Variants in DUSP16 observed in about 807,000 individuals in gnomAD.
DUSP16 encodes the protein dual specificity phosphatase 16.
DUSP16 carries 21 observed loss-of-function variants against 58.3 expected under a neutral mutation model. The observed-to-expected ratio is 0.36, with a 90% confidence interval of 0.26 to 0.52. The LOEUF (loss-of-function observed/expected upper bound fraction) is 0.52, where lower values mean the gene tolerates loss of function less well. Ranked by LOEUF, DUSP16 falls within the 20% of genes least tolerant of loss-of-function variation. The pLI, the probability that DUSP16 is intolerant of heterozygous loss-of-function variation, is 0.94. For synonymous variants in DUSP16, 320 were observed against 323.8 expected (o/e 0.99, Z 0.12); for missense variants, 726 against 819.0 (o/e 0.89, Z 1.39).
rs1263321966 is a variant in DUSP16 at position 12,477,996 on chromosome 12, G to C, written c.835C>G (p.Pro279Ala). ...EAYRFVKEKR[P>A]TISPNFNFLG... The stretch of plus-strand genomic sequence containing the variant: ...AAATTGAAGTTTGGAGATATAGTAG[G>C]TCTTTTTTCTTTCACAAATCTGCAG... The change falls in exon 7 of 7, where the codon CCT becomes GCT. Residue 279 changes from proline (P) to alanine (A), a missense_variant. Physicochemically the swap from Pro to Ala is conservative, Grantham distance 27 (BLOSUM62 -1). Transcript: ENST00000298573. The surrounding 1 kb of genome is among the most constrained non-coding windows in gnomAD (Gnocchi z 4.1). 3.2e-6 allele frequency: 5 copies of C among 1,579,574 alleles called. No homozygotes were observed. The highest frequency in any genetic ancestry group is 3.4e-6 in the Non-Finnish European group (4 of 1,163,606).
At chr12:12,482,599 G>A (rs1366615687) in intron 5 of DUSP16, among the ~76,000 whole-genome samples, 1 of 152,218 alleles carries the variant, frequency 6.6e-6, no homozygotes, top group Non-Finnish European at 1.5e-5. Context: ...CAGTGGGACT[G>A]AGCAAAGTGC....
Position 12,486,913 on chromosome 12 carries a change from T to C in DUSP16, c.691+115A>G, listed in dbSNP as rs192110668. ...TGCACCACGTGCTGTTTTCAGACTTTTGAAATCTCTGAAATAGGCTCCTTT... is the reference window on the plus strand; with the variant it reads ...TGCACCACGTGCTGTTTTCAGACTTCTGAAATCTCTGAAATAGGCTCCTTT... On this transcript the variant is annotated intron_variant, in intron 5 of 6. Transcript: ENST00000298573. The C allele has an allele frequency of 4.7e-3, 6,143 of 1,296,152 alleles. 20 individuals are homozygous for C. The highest frequency in any genetic ancestry group is 5.9e-3 in the Non-Finnish European group (5,453 of 926,612). 80.3% of individuals were successfully genotyped at this position (1,296,152 alleles called of 1,614,324 possible).
intron 5 of DUSP16, among the ~76,000 whole-genome samples, chr12:12,481,882 ACTG>A (rs1279637754): frequency 6.6e-6 from 1 of 152,146 alleles, no homozygotes; most frequent in Non-Finnish European, 1.5e-5. Context: ...TTTCTGCCCT[ACTG>A]CTAAGAAGCT....
At position 12,480,332 on chromosome 12, in the gene DUSP16, A is replaced by C. The variant is rs2136189123; in HGVS notation, c.706T>G (p.Ser236Ala). Residue 236 changes from serine (S) to alanine (A), a missense_variant, in exon 6 of 7, where the codon TCC becomes GCC. Physicochemically the swap from Ser to Ala is moderately conservative, Grantham distance 99. Coordinates refer to ENST00000298573, the MANE Select transcript of DUSP16 (RefSeq NM_030640.3). ...CAGTGCACTAGAACACATCCATTGG[A>C]GGCTTTTGCTTTCTCTGTATAAGTC... ...SVDFIEKAKA[S>A]NGCVLVHCLA... 1 of 1,613,808 alleles carries C rather than the reference A, an allele frequency of 6.2e-7. No individual in the cohort carries two copies. Among genetic ancestry groups the C allele is most frequent in the East Asian group, 2.2e-5 (1 of 44,882 alleles).
At chr12:12,542,499 A>C (rs1944578751) in intron 1 of DUSP16, among the ~76,000 whole-genome samples, 1 of 152,032 alleles carries the variant, frequency 6.6e-6, no homozygotes, top group Admixed American at 6.6e-5. Context: ...TGTATGACCT[A>C]ATGTGCAGAG....
chr12:12,540,925 C>CT (rs1473071670), intron 1 of DUSP16, among the ~76,000 whole-genome samples: 12 of 135,568 alleles, frequency 8.9e-5, no homozygotes, highest in South Asian at 2.4e-4. Flanking sequence ...CAGACAGTTG[C>CT]TTTTTTTTCT....
chr12:12,520,802 C>G, intron 2 of DUSP16, 69 bp downstream of exon 2: 1 of 1,553,930 alleles, frequency 6.4e-7, no homozygotes. Flanking sequence ...AAAGAGGAGG[C>G]TTCAATTAAA....
At chr12:12,546,623 A>T (rs550571598) in intron 1 of DUSP16, among the ~76,000 whole-genome samples, 1 of 152,360 alleles carries the variant, frequency 6.6e-6, no homozygotes, top group African/African-American at 2.4e-5. Context: ...ATGGTCAAGC[A>T]CAAAGACAAC....
intron 1 of DUSP16, among the ~76,000 whole-genome samples, chr12:12,561,311 T>C (rs1406925504): frequency 3.9e-5 from 6 of 152,222 alleles, no homozygotes; most frequent in Non-Finnish European, 7.3e-5. Flanking sequence ...TTGCAGTTGA[T>C]GTTTCCTAAA....
intron 1 of DUSP16, among the ~76,000 whole-genome samples, chr12:12,542,400 A>C (rs1207558608): frequency 3.3e-5 from 5 of 151,486 alleles, no homozygotes; most frequent in African/African-American, 1.2e-4. Flanking sequence ...AAAAAAAAAA[A>C]AAAAAAAAAG....
intron 1 of DUSP16, among the ~76,000 whole-genome samples, chr12:12,549,869 C>G (rs149340554): frequency 7.9e-5 from 12 of 152,248 alleles, no homozygotes; most frequent in African/African-American, 2.2e-4. Flanking sequence ...TTATCCAACA[C>G]GCTCTGATGT....
intron 1 of DUSP16, among the ~76,000 whole-genome samples, chr12:12,541,917 AATAG>A (rs138638357): frequency 0.1 from 15,312 of 152,230 alleles, 1,511 homozygotes; most frequent in East Asian, 0.24. Flanking sequence ...TCAACTGATG[AATAG>A]ATAAACAAAA....
chr12:12,490,496 A>G (rs1565986588), intron 4 of DUSP16, among the ~76,000 whole-genome samples: 1 of 152,218 alleles, frequency 6.6e-6, no homozygotes, highest in Non-Finnish European at 1.5e-5. Flanking sequence ...CTGGATTGGT[A>G]GTCAGTGGAA....
chr12:12,542,862 A>C (rs1035659139), intron 1 of DUSP16, among the ~76,000 whole-genome samples: 1 of 152,130 alleles, frequency 6.6e-6, no homozygotes, highest in South Asian at 2.1e-4. Flanking sequence ...ATAGTATCTG[A>C]AACTGGGGCC....
intron 3 of DUSP16, among the ~76,000 whole-genome samples, chr12:12,502,527 G>GCA (rs1310889524): frequency 6.6e-6 from 1 of 151,368 alleles, no homozygotes; most frequent in African/African-American, 2.4e-5. Flanking sequence ...CAGGATACCT[G>GCA]CACCTTACAG....
At chr12:12,497,955 C>G (rs899178481) in intron 4 of DUSP16, among the ~76,000 whole-genome samples, 2 of 150,936 alleles carry the variant, frequency 1.3e-5, no homozygotes, top group Admixed American at 1.3e-4. Flanking sequence ...GGTGACAGGG[C>G]AAGACTCCAT....
chr12:12,541,068 C>T (rs1441575244), intron 1 of DUSP16, among the ~76,000 whole-genome samples: 1 of 150,868 alleles, frequency 6.6e-6, no homozygotes, highest in Non-Finnish European at 1.5e-5. Flanking sequence ...AGGTGATCCC[C>T]CCAGCTCAGC....
intron 1 of DUSP16, among the ~76,000 whole-genome samples, chr12:12,551,944 G>A (rs981143298): frequency 4.6e-5 from 7 of 152,002 alleles, no homozygotes; most frequent in Non-Finnish European, 7.4e-5. Flanking sequence ...CACCTGCCTC[G>A]GCCTCCCAAA....
intron 1 of DUSP16, among the ~76,000 whole-genome samples, chr12:12,536,223 C>T (rs1566037865): frequency 6.6e-6 from 1 of 152,276 alleles, no homozygotes; most frequent in Admixed American, 6.5e-5. Flanking sequence ...GTGCCTGGCA[C>T]AAGATATACC....
Sources: allele counts gnomAD v4.1 joint callset (sites outside exome capture counted in the v4.1 genomes callset), GRCh38; gene constraint gnomAD v4.1.1; non-coding constraint Gnocchi (gnomAD v3.1); transcripts MANE v1.5; gene names NCBI Gene and HGNC (gene_info 2026-07-23, HGNC 2026-07-21).